PMM1: variants seen among roughly 807,000 people sequenced by gnomAD.
PMM1 encodes the protein brain glucose-1,6-bisphosphatase.
In PMM1, 25 loss-of-function variants were observed where a neutral mutation model predicts 34.0. That is an observed-to-expected ratio of 0.73 (90% CI 0.54 to 1.03). PMM1 has a LOEUF of 1.03. PMM1 is among the 50% of genes least tolerant of loss of function. The pLI, the probability that PMM1 is intolerant of heterozygous loss-of-function variation, is 0.00. For missense variants in PMM1, 321 were observed against 350.1 expected, an observed-to-expected ratio of 0.92 and a Z score of 0.66; for synonymous variants, 134 against 143.9, an observed-to-expected ratio of 0.93 and a Z score of 0.49.
In PMM1 at chr22:41,578,749, T is replaced by G. The variant is rs1457352665; in HGVS notation, c.550+57A>C. ...ACAGCCTGGTCTTGGCAGGGGCAGA[T>G]GGTTTGAGGAGGGGCCCTGTACCAG... On this transcript the variant is annotated intron_variant, in intron 6 of 7. Coordinates refer to ENST00000216259, the MANE Select transcript of PMM1 (RefSeq NM_002676.3). 7 of 1,439,006 alleles carry G rather than the reference T, an allele frequency of 4.9e-6. No individual in the cohort carries two copies. In the African/African-American group the frequency reaches 7.0e-5, roughly 14 times the overall value. 89.1% of individuals were successfully genotyped at this position (1,439,006 alleles called of 1,614,324 possible).
rs559453601 is a variant in PMM1, at chr22:41,586,341, G to A, written c.88-148C>T. On this transcript the variant is annotated intron_variant, in intron 1 of 7. Transcript: ENST00000216259. ...AAGCTTAGACACCAAAAATTAGACAGGTTGGACACTGTGGCTCAGGTCTGC... is the reference window on the plus strand; with the variant it reads ...AAGCTTAGACACCAAAAATTAGACAAGTTGGACACTGTGGCTCAGGTCTGC... 1.2e-5 allele frequency: 17 copies of A among 1,441,826 alleles called. No individual in the cohort carries two copies. In the African/African-American group the frequency reaches 1.8e-4, roughly 15 times the overall value. 89.3% of individuals were successfully genotyped at this position (1,441,826 alleles called of 1,614,324 possible). A position where few individuals can be genotyped will look rare whatever the true frequency, so the allele number is the denominator to read the frequency against.
At chr22:41,586,407 G>T (rs2067308169) in intron 1 of PMM1, 2 of 797,080 alleles carry the variant, frequency 2.5e-6, no homozygotes, top group East Asian at 6.7e-5. Context: ...AAGATCACTT[G>T]ACCCAGGAGT....
At chr22:41,583,883 C>G (rs1479441754) in intron 5 of PMM1, 76 bp downstream of exon 5, 2 of 929,140 alleles carry the variant, frequency 2.2e-6, no homozygotes, top group East Asian at 2.4e-5. Context: ...GTCTATTTTA[C>G]TGATGAGAAA....
At chr22:41,583,325 T>G (rs767891473) in intron 5 of PMM1, among the ~76,000 whole-genome samples, 1 of 151,968 alleles carries the variant, frequency 6.6e-6, no homozygotes, top group African/African-American at 2.4e-5. Flanking sequence ...ACTAAAAAAG[T>G]ACAAAAATTA....
intron 4 of PMM1, 50 bp downstream of exon 4, chr22:41,584,231 T>A: frequency 3.9e-6 from 6 of 1,536,218 alleles, no homozygotes; most frequent in Non-Finnish European, 5.4e-6. Context: ...GACCCACACT[T>A]CTCCTCCCTC....
chr22:41,587,346 A>G (rs2067321653), intron 1 of PMM1, among the ~76,000 whole-genome samples: 1 of 151,630 alleles, frequency 6.6e-6, no homozygotes, highest in Non-Finnish European at 1.5e-5. Flanking sequence ...AGGCTGAGGC[A>G]GGAGAATCCC....
chr22:41,578,707 T>TA, intron 6 of PMM1, 99 bp downstream of exon 6: 2 of 982,846 alleles, frequency 2.0e-6, no homozygotes, highest in Non-Finnish European at 3.2e-6. Flanking sequence ...GAGGGGCTAC[T>TA]AAAGCTACTG....
intron 1 of PMM1, chr22:41,589,146 G>A (rs1162704944): frequency 1.4e-5 from 18 of 1,303,110 alleles, no homozygotes; most frequent in Non-Finnish European, 1.8e-5. Context: ...TTGAAAAGAA[G>A]CCCTCTCTGC....
chr22:41,586,828 C>G (rs1432730583), intron 1 of PMM1, among the ~76,000 whole-genome samples: 1 of 148,370 alleles, frequency 6.7e-6, no homozygotes, highest in African/African-American at 2.5e-5. Context: ...TAAAAATTAG[C>G]CAGGCATGGG....
At chr22:41,584,960 C>G (rs2067291239) in intron 2 of PMM1, 1 of 190,652 alleles carries the variant, frequency 5.2e-6, no homozygotes, top group South Asian at 1.3e-4. Flanking sequence ...GCTCCCCTGC[C>G]CCTCTGCAGA....
intron 1 of PMM1, among the ~76,000 whole-genome samples, chr22:41,587,192 C>T (rs2067318660): frequency 6.6e-6 from 1 of 151,014 alleles, no homozygotes; most frequent in African/African-American, 2.4e-5. Context: ...ATGGCGTGAA[C>T]TTGGGAGGCA....
Position 41,578,829 on chromosome 22 carries a change from C to A in PMM1, c.527G>T (p.Gly176Val), listed in dbSNP as rs753760316. The A allele has an allele frequency of 5.6e-6, 9 of 1,613,868 alleles. No individual in the cohort carries two copies. Among genetic ancestry groups the A allele is most frequent in the African/African-American group, 1.3e-5 (1 of 74,906 alleles). The change falls in exon 6 of 8, where the codon GGC (glycine) becomes GTC (valine). Residue 176 changes from glycine to valine, a missense_variant. Transcript: ENST00000216259. ...ACCTCGAGAGAACCTCAGCCCTTTG[C>A]CAGCAAACTCTGTTTTCAGGGCTTC... is the stretch of plus-strand genomic sequence containing the variant. ...FVEALKTEFA[G>V]KGLRFSRGGM...
At chr22:41,581,134 AACCC>A (rs2067242563) in intron 5 of PMM1, among the ~76,000 whole-genome samples, 1 of 149,698 alleles carries the variant, frequency 6.7e-6, no homozygotes. Context: ...AAAAAAAAAA[AACCC>A]AAAACCAAAC....
chr22:41,578,883 T>G lies in PMM1; in HGVS notation c.475-2A>C. 6.2e-7 allele frequency: 1 copy of G among 1,613,676 alleles called. No individual in the cohort carries two copies. The highest frequency in any genetic ancestry group is 1.1e-5 in the South Asian group (1 of 91,056). On this transcript the variant is annotated splice_acceptor_variant, in intron 5 of 7. Transcript: ENST00000216259. LOFTEE classifies it high-confidence loss of function. The stretch of plus-strand genomic sequence containing the variant: ...GAACTTCTCCCGGATCTTCTCTTTC[T>G]GCAGAGGGGAGGGAGCGGATGGCAG...
chr22:41,589,822 G>A lies in PMM1; in HGVS notation c.-17C>T, dbSNP rs753303630. On this transcript the variant is annotated 5_prime_UTR_variant, in exon 1 of 8. Coordinates refer to ENST00000216259, the MANE Select transcript of PMM1 (RefSeq NM_002676.3). ...GACTGCCATGGCTGCAGGTCCGCGC[G>A]CGGGGCGGAGTCCCGAAGATGCAAC... 3.1e-6 allele frequency: 5 copies of A among 1,590,376 alleles called. No homozygotes were observed. In the African/African-American group the frequency reaches 5.4e-5, roughly 17 times the overall value.
Position 41,589,100 on chromosome 22 carries a change from C to T in PMM1, c.87+619G>A, listed in dbSNP as rs1220735243. 5 of 1,304,158 alleles carry T rather than the reference C, an allele frequency of 3.8e-6. No homozygotes were observed. In the East Asian group the frequency reaches 2.8e-4, roughly 72 times the overall value. 80.8% of individuals were successfully genotyped at this position (1,304,158 alleles called of 1,614,324 possible). On this transcript the variant is annotated intron_variant, in intron 1 of 7. Transcript: ENST00000216259. ...ACAGCAAACAGGCTAGGCCTGGAGC[C>T]TCTCACATCCGGGTGGGTAGAGCTC...
intron 1 of PMM1, 62 bp downstream of exon 1, chr22:41,589,657 C>T (rs2067357086): frequency 7.1e-7 from 1 of 1,414,786 alleles, no homozygotes; most frequent in South Asian, 1.2e-5. Flanking sequence ...AGACCCCACA[C>T]TCAGCCTCGG....
chr22:41,579,035 G>A, intron 5 of PMM1, 154 bp from the exon 6 acceptor site: 3 of 641,980 alleles, frequency 4.7e-6, no homozygotes, highest in Non-Finnish European at 8.3e-6. Flanking sequence ...GAGGGGTTGT[G>A]CCTTGGTCAA....
At chr22:41,587,310 A>G (rs112501354) in intron 1 of PMM1, among the ~76,000 whole-genome samples, 20,585 of 149,680 alleles carry the variant, frequency 0.14, 3,896 homozygotes, top group African/African-American at 0.43. Flanking sequence ...CGTGGTGGCA[A>G]GCGCCTGTAA....
Sources: allele counts gnomAD v4.1 joint callset (sites outside exome capture counted in the v4.1 genomes callset), GRCh38; gene constraint gnomAD v4.1.1; transcripts MANE v1.5; gene names NCBI Gene and HGNC (gene_info 2026-07-23, HGNC 2026-07-21).